The following NKAIN2 variants were observed in gnomAD, a reference collection of about 807,000 sequenced individuals.
NKAIN2 encodes the protein sodium/potassium-transporting ATPase subunit beta-1-interacting protein 2.
NKAIN2 carries 14 observed loss-of-function variants against 32.6 expected under a neutral mutation model. The observed-to-expected ratio is 0.43, with a 90% CI of 0.28 to 0.67. NKAIN2 has a LOEUF of 0.67. NKAIN2 is among the 30% of genes least tolerant of loss of function. The pLI is 0.17. For synonymous variants in NKAIN2, 80 were observed against 87.2 expected, an observed-to-expected ratio of 0.92 and a Z score of 0.46; for missense variants, 198 against 258.3, an observed-to-expected ratio of 0.77 and a Z score of 1.60.
chr6:124,557,239 T>G (rs2114881800), intron 3 of NKAIN2, among the ~76,000 whole-genome samples: 1 of 152,302 alleles, frequency 6.6e-6, no homozygotes, highest in South Asian at 2.1e-4. Flanking sequence ...CTTCTACTTC[T>G]TGACTCATCA....
chr6:124,638,887 CAAAAAAAAA>C (rs35802663), intron 3 of NKAIN2, among the ~76,000 whole-genome samples: 1 of 82,634 alleles, frequency 1.2e-5, no homozygotes, highest in Non-Finnish European at 2.2e-5. Flanking sequence ...GAGACTCTGT[CAAAAAAAAA>C]AAAAAAAAAA....
chr6:124,770,853 C>T (rs1283304501), intron 4 of NKAIN2, among the ~76,000 whole-genome samples: 3 of 152,098 alleles, frequency 2.0e-5, no homozygotes, highest in Non-Finnish European at 4.4e-5. Flanking sequence ...TCCAAGCATA[C>T]ACTCTATCAT....
intron 1 of NKAIN2, among the ~76,000 whole-genome samples, chr6:124,043,707 G>A (rs1016091182): frequency 6.6e-6 from 1 of 152,046 alleles, no homozygotes; most frequent in East Asian, 1.9e-4. Context: ...TATGGAGTTT[G>A]AAGAGGATTT....
chr6:123,865,320 A>G (rs1299030907), intron 1 of NKAIN2, among the ~76,000 whole-genome samples: 1 of 152,112 alleles, frequency 6.6e-6, no homozygotes, highest in African/African-American at 2.4e-5. Flanking sequence ...ACAAAAAGCT[A>G]TATCTGATAC....
At chr6:123,930,548 A>T (rs1307999010) in intron 1 of NKAIN2, among the ~76,000 whole-genome samples, 1 of 152,178 alleles carries the variant, frequency 6.6e-6, no homozygotes, top group Admixed American at 6.6e-5. Context: ...TCACCTTTAA[A>T]TATGAAGTAT....
intron 1 of NKAIN2, among the ~76,000 whole-genome samples, chr6:123,825,466 A>AT (rs1774109882): frequency 6.6e-6 from 1 of 152,186 alleles, no homozygotes; most frequent in Non-Finnish European, 1.5e-5. Context: ...TTGGAACACA[A>AT]AGATATGTAC....
intron 1 of NKAIN2, among the ~76,000 whole-genome samples, chr6:123,940,921 T>A (rs1220850515): frequency 6.6e-6 from 1 of 152,086 alleles, no homozygotes; most frequent in African/African-American, 2.4e-5. Flanking sequence ...TTTTCATTTT[T>A]AAACTTTTGA....
chr6:124,465,618 T>G (rs957909259), intron 3 of NKAIN2, among the ~76,000 whole-genome samples: 2 of 125,322 alleles, frequency 1.6e-5, no homozygotes, highest in Admixed American at 1.7e-4. Flanking sequence ...ATCCCAGGAC[T>G]TAAAGTAAAG....
intron 4 of NKAIN2, among the ~76,000 whole-genome samples, chr6:124,773,313 A>G (rs1562375454): frequency 1.3e-5 from 2 of 152,108 alleles, no homozygotes; most frequent in East Asian, 3.9e-4. Flanking sequence ...AAGAGGAGGG[A>G]GAGAGAAGAG....
Position 124,759,466 on chromosome 6 carries a change from A to G in NKAIN2, c.475-31873A>G, listed in dbSNP as rs141645593. The stretch of plus-strand genomic sequence containing the variant: ...ACATTTAATATTTCAAATGATCTAC[A>G]ACAGGAATGCTCATCCTTCTCTCAG... On this transcript the variant is annotated intron_variant, in intron 4 of 6. Coordinates refer to ENST00000368417, the MANE Select transcript of NKAIN2 (RefSeq NM_001040214.3). Among the ~76,000 whole-genome samples, 422 of 152,100 alleles carry G rather than the reference A, an allele frequency of 2.8e-3. 2 individuals carry two copies. Among genetic ancestry groups the G allele is most frequent in the African/African-American group, 9.8e-3 (405 of 41,498 alleles).
intron 3 of NKAIN2, among the ~76,000 whole-genome samples, chr6:124,632,414 A>G (rs1050057684): frequency 3.3e-4 from 51 of 152,262 alleles, no homozygotes; most frequent in African/African-American, 1.2e-3. Flanking sequence ...TATTTTGCCC[A>G]GCACCCCCAT....
At chr6:123,881,817 A>C (rs1421673708) in intron 1 of NKAIN2, among the ~76,000 whole-genome samples, 1 of 152,224 alleles carries the variant, frequency 6.6e-6, no homozygotes, top group East Asian at 1.9e-4. Context: ...AAACAAACTC[A>C]TAAATATGTT....
intron 1 of NKAIN2, among the ~76,000 whole-genome samples, chr6:124,243,915 G>C (rs906803522): frequency 1.2e-4 from 18 of 151,776 alleles, no homozygotes; most frequent in African/African-American, 3.9e-4. Flanking sequence ...TGAGTCTTTT[G>C]TATATCTTGT....
intron 3 of NKAIN2, among the ~76,000 whole-genome samples, chr6:124,531,852 G>T (rs1779538685): frequency 6.6e-6 from 1 of 152,078 alleles, no homozygotes; most frequent in African/African-American, 2.4e-5. Context: ...TGTATTTTTT[G>T]TACAGACGGG....
intron 1 of NKAIN2, among the ~76,000 whole-genome samples, chr6:123,921,195 G>C (rs1280547436): frequency 6.6e-6 from 1 of 152,164 alleles, no homozygotes; most frequent in Admixed American, 6.5e-5. Flanking sequence ...ACTTTTAAAA[G>C]TCAGCCAGTT....
intron 4 of NKAIN2, among the ~76,000 whole-genome samples, chr6:124,708,300 G>A (rs1775214149): frequency 6.6e-6 from 1 of 151,422 alleles, no homozygotes. Flanking sequence ...TGTTCTTTTG[G>A]CTTAGGATTG....
chr6:124,414,232 T>C (rs1378924681), intron 3 of NKAIN2, among the ~76,000 whole-genome samples: 1 of 152,190 alleles, frequency 6.6e-6, no homozygotes, highest in East Asian at 1.9e-4. Flanking sequence ...CAACAGTTTT[T>C]ATCGGAAATG....
At chr6:124,406,965 C>T (rs759629920) in intron 3 of NKAIN2, among the ~76,000 whole-genome samples, 10 of 151,910 alleles carry the variant, frequency 6.6e-5, no homozygotes, top group East Asian at 3.9e-4. Flanking sequence ...TATGTATATT[C>T]GATACAATTG....
At chr6:123,985,217 G>A (rs1044874480) in intron 1 of NKAIN2, among the ~76,000 whole-genome samples, 1 of 152,138 alleles carries the variant, frequency 6.6e-6, no homozygotes, top group Non-Finnish European at 1.5e-5. Flanking sequence ...TGGCCAACAT[G>A]ATGAAACCCC....
Sources: gnomAD v4.1 joint callset for allele counts (sites outside exome capture counted in the v4.1 genomes callset) on GRCh38, gnomAD v4.1.1 for gene constraint, MANE v1.5 for transcripts, NCBI Gene and HGNC (gene_info 2026-07-23, HGNC 2026-07-21) for gene names.